Variants in CHN2 observed in about 807,000 individuals in gnomAD.
The protein encoded by CHN2 is beta-chimaerin.
In CHN2, 35 loss-of-function variants were observed where a neutral mutation model predicts 56.3. That is an observed-to-expected ratio of 0.62 (90% CI 0.47 to 0.82). The LOEUF (loss-of-function observed/expected upper bound fraction) is 0.82, where lower values mean the gene tolerates loss of function less well. CHN2 is among the 40% of genes least tolerant of loss of function. The probability of loss-of-function intolerance (pLI) is 0.00; values close to 1 mark genes in which losing one functional copy is unlikely to be tolerated. For missense variants in CHN2, 491 were observed against 580.5 expected, an observed-to-expected ratio of 0.85 and a Z score of 1.58; for synonymous variants, 210 against 212.8, an observed-to-expected ratio of 0.99 and a Z score of 0.12.
chr7:29,180,388 G>A (rs146726909), intron 2 of CHN2, among the ~76,000 whole-genome samples: 1,957 of 152,054 alleles, frequency 0.013, 36 homozygotes, highest in East Asian at 0.06. Context: ...TTAGCCAGGC[G>A]TGGTGGCACA....
chr7:29,389,764 A>G (rs781616736), intron 3 of CHN2, among the ~76,000 whole-genome samples: 11 of 152,148 alleles, frequency 7.2e-5, no homozygotes, highest in Non-Finnish European at 1.5e-4. Flanking sequence ...TTTTAAAAAG[A>G]ATCAGCCGGC....
At chr7:29,247,951 T>C (rs990858414) in intron 1 of CHN2, among the ~76,000 whole-genome samples, 4 of 152,266 alleles carry the variant, frequency 2.6e-5, no homozygotes, top group African/African-American at 9.6e-5. Context: ...AACCATGTGC[T>C]TTCTCTGCCT....
rs71539593 is a variant in CHN2, at chr7:29,234,435, T to C, written c.49+39445T>C. Among the ~76,000 whole-genome samples, 155 of 152,302 alleles carry C rather than the reference T, an allele frequency of 1.0e-3. 1 individual carries two copies. Among genetic ancestry groups the C allele is most frequent in the Non-Finnish European group, 1.9e-3 (130 of 68,024 alleles). On this transcript the variant is annotated intron_variant, in intron 1 of 12. Coordinates refer to ENST00000222792, the MANE Select transcript of CHN2 (RefSeq NM_004067.4). ...ATTCAGTGCACAAAATCATAAAATTTAATGGGGCCCATAAACCTCACTGAA... is the reference window on the plus strand; with the variant it reads ...ATTCAGTGCACAAAATCATAAAATTCAATGGGGCCCATAAACCTCACTGAA...
Position 29,398,373 on chromosome 7 carries a change from G to A in CHN2, c.177G>A (p.Glu59=). ...AGCATTGATGGTCTTGTACCTTCAG[G>A]TTTCATGGGATCATCTCTCGGGAGC... The part of the protein sequence containing the change: ...VENRPKYYGR[E]FHGIISREQA... The change falls in exon 5 of 13, where the codon GAG becomes GAA. Residue 59 remains glutamate (E), a splice_region_variant and synonymous_variant. Transcript: ENST00000222792. 1 of 1,609,572 alleles carries A rather than the reference G, an allele frequency of 6.2e-7. No homozygotes were observed. Among genetic ancestry groups the A allele is most frequent in the Non-Finnish European group, 8.5e-7 (1 of 1,176,910 alleles).
rs149796883 is a variant in CHN2 at position 29,203,096 on chromosome 7, G to A, written c.49+8106G>A. 4.6e-5 allele frequency among the ~76,000 whole-genome samples: 7 copies of A among 152,248 alleles called. No homozygotes were observed. The East Asian group carries it at 1.3e-3, about 29-fold the overall frequency. ...GTAAAATTCACACTAGAGTTCAAACGCTTAGTACAAAGCCAAAAAATATAA... is the reference window on the plus strand; with the variant it reads ...GTAAAATTCACACTAGAGTTCAAACACTTAGTACAAAGCCAAAAAATATAA... On this transcript the variant is annotated intron_variant, in intron 1 of 12. Transcript: ENST00000222792.
chr7:29,465,049 T>C (rs2128140620), intron 6 of CHN2, among the ~76,000 whole-genome samples: 1 of 152,302 alleles, frequency 6.6e-6, no homozygotes, highest in South Asian at 2.1e-4. Flanking sequence ...CTAAAACACA[T>C]CCCCTTCTTG....
intron 1 of CHN2, among the ~76,000 whole-genome samples, chr7:29,211,058 T>TG (rs1491131378): frequency 1.3e-4 from 11 of 84,382 alleles, no homozygotes; most frequent in African/African-American, 4.9e-4. Flanking sequence ...TTAGGTGTTT[T>TG]GTTTTTTTTT....
intron 6 of CHN2, among the ~76,000 whole-genome samples, chr7:29,444,477 G>T (rs1783894621): frequency 6.6e-6 from 1 of 152,162 alleles, no homozygotes. Flanking sequence ...AGCTATTGTA[G>T]CTGAAATGGC....
chr7:29,218,717 A>G (rs557438981), intron 1 of CHN2, among the ~76,000 whole-genome samples: 19 of 150,486 alleles, frequency 1.3e-4, no homozygotes, highest in Non-Finnish European at 2.4e-4. Context: ...AAAACCAAAC[A>G]CCGCATGTTC....
At chr7:29,347,053 T>A (rs1797501980) in intron 1 of CHN2, among the ~76,000 whole-genome samples, 1 of 152,150 alleles carries the variant, frequency 6.6e-6, no homozygotes, top group South Asian at 2.1e-4. Flanking sequence ...CTCCATTTGC[T>A]TCCCTGCAAA....
chr7:29,206,886 C>T (rs1197505635), intron 1 of CHN2, among the ~76,000 whole-genome samples: 2 of 152,138 alleles, frequency 1.3e-5, no homozygotes, highest in Admixed American at 6.5e-5. Flanking sequence ...ATGGAACACT[C>T]AAGATAGGCA....
intron 7 of CHN2, among the ~76,000 whole-genome samples, chr7:29,492,918 C>T (rs938929063): frequency 6.6e-6 from 1 of 152,184 alleles, no homozygotes; most frequent in African/African-American, 2.4e-5. Context: ...GCTTCTGGAA[C>T]ACTTTGTTGG....
chr7:29,408,552 G>A (rs920945557), intron 6 of CHN2, among the ~76,000 whole-genome samples: 2 of 152,148 alleles, frequency 1.3e-5, no homozygotes, highest in African/African-American at 4.8e-5. Flanking sequence ...TAACTCTGGT[G>A]GCTACAGTTA....
At chr7:29,232,604 G>C (rs529611904) in intron 1 of CHN2, among the ~76,000 whole-genome samples, 17 of 152,282 alleles carry the variant, frequency 1.1e-4, no homozygotes, top group Non-Finnish European at 1.9e-4. Context: ...TTGAAAACAC[G>C]ATGAGTGATC....
At chr7:29,504,974 G>T (rs1240032886) in intron 10 of CHN2, among the ~76,000 whole-genome samples, 153 bp downstream of exon 10, 1 of 152,144 alleles carries the variant, frequency 6.6e-6, no homozygotes. Flanking sequence ...TCATGTTTCT[G>T]CCTCACTGGG....
chr7:29,500,189 A>T, intron 9 of CHN2, 149 bp downstream of exon 9: 1 of 499,162 alleles, frequency 2.0e-6, no homozygotes, highest in Non-Finnish European at 3.4e-6. Flanking sequence ...TCTCTCTCTC[A>T]CAGGTAGACT....
At chr7:29,478,687 C>T (rs1290719625) in intron 6 of CHN2, among the ~76,000 whole-genome samples, 1 of 152,140 alleles carries the variant, frequency 6.6e-6, no homozygotes, top group Non-Finnish European at 1.5e-5. Flanking sequence ...CTCTCTTCAT[C>T]CAAAAGAATC....
At chr7:29,451,365 T>A (rs539921971) in intron 6 of CHN2, among the ~76,000 whole-genome samples, 2 of 152,250 alleles carry the variant, frequency 1.3e-5, no homozygotes, top group East Asian at 3.9e-4. Context: ...ATACTGTGAT[T>A]AAGCGTGGTG....
intron 1 of CHN2, among the ~76,000 whole-genome samples, chr7:29,339,015 T>C (rs1460866559): frequency 6.6e-6 from 1 of 152,226 alleles, no homozygotes; most frequent in African/African-American, 2.4e-5. Flanking sequence ...TCTTAGATTT[T>C]ATTTTATACA....
Sources: allele counts gnomAD v4.1 joint callset (sites outside exome capture counted in the v4.1 genomes callset), GRCh38; gene constraint gnomAD v4.1.1; transcripts MANE v1.5; gene names NCBI Gene and HGNC (gene_info 2026-07-23, HGNC 2026-07-21).